Variants in PPP1R7 observed in about 807,000 individuals in gnomAD.
PPP1R7 encodes the protein protein phosphatase 1 regulatory subunit 7.
Under a neutral mutation model 45.2 loss-of-function variants are expected in PPP1R7, and 18 were observed. The ratio of observed to expected loss-of-function variants is 0.40; its 90% CI spans 0.28 to 0.59. The LOEUF is 0.59. Ranked by LOEUF, PPP1R7 falls within the 20% of genes least tolerant of loss-of-function variation. PPP1R7 has a pLI of 0.46. For missense variants in PPP1R7, 314 were observed against 455.8 expected, an observed-to-expected ratio of 0.69 and a Z score of 2.83; for synonymous variants, 181 against 183.4, an observed-to-expected ratio of 0.99 and a Z score of 0.11.
chr2:241,153,261 G>A (rs2067363481), intron 1 of PPP1R7, among the ~76,000 whole-genome samples: 1 of 152,198 alleles, frequency 6.6e-6, no homozygotes, highest in Non-Finnish European at 1.5e-5. Flanking sequence ...CCTCACCTAA[G>A]TATCCATGTG....
chr2:241,164,920 C>T (rs561929885), intron 7 of PPP1R7, among the ~76,000 whole-genome samples: 14 of 151,890 alleles, frequency 9.2e-5, no homozygotes, highest in South Asian at 6.2e-4. Context: ...TGGTGGCGGG[C>T]GCCTGTAATC....
At chr2:241,173,917 T>TTTA (rs1446285983) in intron 9 of PPP1R7, among the ~76,000 whole-genome samples, 4 of 17,598 alleles carry the variant, frequency 2.3e-4, no homozygotes, top group African/African-American at 1.2e-3. Flanking sequence ...TTTGGCTTTA[T>TTTA]TTTTTTTTTT....
chr2:241,177,258 ATACAAAAATT>A (rs1397810637), intron 9 of PPP1R7, among the ~76,000 whole-genome samples: 1 of 152,084 alleles, frequency 6.6e-6, no homozygotes, highest in African/African-American at 2.4e-5. Flanking sequence ...CTCTACTAAA[ATACAAAAATT>A]TAGCTGGATG....
intron 9 of PPP1R7, 115 bp from the exon 10 acceptor site, chr2:241,182,532 C>G: frequency 1.5e-6 from 2 of 1,324,960 alleles, no homozygotes; most frequent in Admixed American, 2.0e-5. Flanking sequence ...CAGGGAAGAC[C>G]CACACCTGCT....
At chr2:241,157,916 G>C in intron 3 of PPP1R7, 54 bp downstream of exon 3, 2 of 1,548,576 alleles carry the variant, frequency 1.3e-6, no homozygotes, top group Non-Finnish European at 1.8e-6. Flanking sequence ...CACCCTGTCA[G>C]GTTATCTTGT....
intron 6 of PPP1R7, among the ~76,000 whole-genome samples, chr2:241,161,075 G>A (rs1343240191): frequency 2.3e-5 from 3 of 133,154 alleles, no homozygotes; most frequent in South Asian, 2.7e-4. Context: ...ATGCTTCTTC[G>A]AGATGAAAGT....
At chr2:241,173,996 G>A (rs1340894507) in intron 9 of PPP1R7, among the ~76,000 whole-genome samples, 1 of 145,308 alleles carries the variant, frequency 6.9e-6, no homozygotes, top group Non-Finnish European at 1.5e-5. Flanking sequence ...TTCACGTCTT[G>A]TAATTTTTTA....
chr2:241,167,185 T>G, intron 8 of PPP1R7: 1 of 1,047,346 alleles, frequency 9.5e-7, no homozygotes, highest in Non-Finnish European at 1.4e-6. Context: ...TTTTACTTGT[T>G]TTTTTCTGTT....
chr2:241,181,681 C>T (rs1309826265), intron 9 of PPP1R7, among the ~76,000 whole-genome samples: 2 of 152,184 alleles, frequency 1.3e-5, no homozygotes, highest in Non-Finnish European at 2.9e-5. Flanking sequence ...GCTTGCCTTC[C>T]GTTCCACATG....
chr2:241,149,652 C>T (rs576132649), upstream of PPP1R7: 362 of 1,541,740 alleles, frequency 2.3e-4, 1 homozygote, highest in East Asian at 4.5e-3. Context: ...GAATAATGGG[C>T]GCCTCCGCCC....
At chr2:241,177,486 T>C (rs1417325782) in intron 9 of PPP1R7, among the ~76,000 whole-genome samples, 2 of 152,122 alleles carry the variant, frequency 1.3e-5, no homozygotes, top group African/African-American at 4.8e-5. Context: ...AGAATAGGTA[T>C]ATCTAATTTT....
chr2:241,178,178 A>G (rs532928867), intron 9 of PPP1R7, among the ~76,000 whole-genome samples: 4 of 152,340 alleles, frequency 2.6e-5, no homozygotes, highest in African/African-American at 9.6e-5. Context: ...CCCTCCCAGC[A>G]TGTGTGCCTG....
At chr2:241,153,817 G>GT (rs1233203040) in intron 2 of PPP1R7, among the ~76,000 whole-genome samples, 3 of 152,166 alleles carry the variant, frequency 2.0e-5, no homozygotes, top group Non-Finnish European at 2.9e-5. Context: ...AAAGGATGTG[G>GT]TTTTTTCCAA....
rs368525514 is a variant in PPP1R7, at chr2:241,158,563, T to C, written c.303+14T>C. The C allele has an allele frequency of 3.7e-5, 59 of 1,607,516 alleles. No homozygotes were observed. The African/African-American group carries it at 6.7e-4, about 18-fold the overall frequency. ...AAGAAAGTGAAGGTGAGAGGGACTC[T>C]TATGAGGGGACTATGACGCTCACCC... On this transcript the variant is annotated intron_variant, in intron 4 of 9. Transcript: ENST00000234038.
At chr2:241,150,377 G>C, upstream of PPP1R7, 3 of 1,335,526 alleles carry the variant, frequency 2.2e-6, no homozygotes, top group South Asian at 1.9e-5. Context: ...CCACGCAGGC[G>C]CGGCGCGGCT....
At chr2:241,173,916 A>ATT (rs10688614) in intron 9 of PPP1R7, among the ~76,000 whole-genome samples, 5,095 of 145,312 alleles carry the variant, frequency 0.035, 266 homozygotes, top group African/African-American at 0.11. Flanking sequence ...ATTTGGCTTT[A>ATT]TTTTTTTTTT....
In PPP1R7 at chr2:241,182,846, G is replaced by A. The variant is rs1198343114; in HGVS notation, c.*23G>A. ...TGAGTCCTTCTTGGCTCCTCATGTGGTCCCTCTCCTCGGAAGAACTGCCCA... is the reference window on the plus strand; with the variant it reads ...TGAGTCCTTCTTGGCTCCTCATGTGATCCCTCTCCTCGGAAGAACTGCCCA... On this transcript the variant is annotated 3_prime_UTR_variant, in exon 10 of 10. Transcript: ENST00000234038. 2 of 1,598,850 alleles carry A rather than the reference G, an allele frequency of 1.3e-6. No individual in the cohort carries two copies. The highest frequency in any genetic ancestry group is 1.3e-5 in the African/African-American group (1 of 74,602).
At chr2:241,155,234 G>A (rs2067426524) in intron 2 of PPP1R7, 1 of 152,224 alleles carries the variant, frequency 6.6e-6, no homozygotes, top group Non-Finnish European at 1.5e-5. Flanking sequence ...TGGCTCACTA[G>A]CACAGGCTAA....
Position 241,153,705 on chromosome 2 carries a change from A to C in PPP1R7, c.181+101A>C, listed in dbSNP as rs938433539. 4.7e-6 allele frequency: 7 copies of C among 1,474,638 alleles called. No individual in the cohort carries two copies. In the South Asian group the frequency reaches 9.1e-5, roughly 19 times the overall value. 91.3% of individuals were successfully genotyped at this position (1,474,638 alleles called of 1,614,324 possible). ...GTGTGGGTGCTGTGTCGGTCTGGAG[A>C]AGGACTGCCGTGCTCCTTAGGGGTC... On this transcript the variant is annotated intron_variant, in intron 2 of 9. Transcript: ENST00000234038.
Sources: gnomAD v4.1 joint callset for allele counts (sites outside exome capture counted in the v4.1 genomes callset) on GRCh38, gnomAD v4.1.1 for gene constraint, MANE v1.5 for transcripts, NCBI Gene and HGNC (gene_info 2026-07-23, HGNC 2026-07-21) for gene names.